KIF13A: variants seen among roughly 807,000 people sequenced by gnomAD.
The protein encoded by KIF13A is kinesin-like protein KIF13A.
Under a neutral mutation model 212.2 loss-of-function variants are expected in KIF13A, and 79 were observed. The observed-to-expected ratio is 0.37, with a 90% confidence interval of 0.31 to 0.45. The LOEUF (loss-of-function observed/expected upper bound fraction) is 0.45, where lower values mean the gene tolerates loss of function less well. Ranked by LOEUF, KIF13A falls within the 20% of genes least tolerant of loss-of-function variation. KIF13A has a pLI of 1.00. For missense variants in KIF13A, 1,901 were observed against 2,209.0 expected (o/e 0.86, Z 2.79); for synonymous variants, 789 against 808.6 (o/e 0.98, Z 0.41).
At chr6:17,955,079 C>T (rs898327657) in intron 2 of KIF13A, among the ~76,000 whole-genome samples, 13 of 152,138 alleles carry the variant, frequency 8.5e-5, no homozygotes, top group African/African-American at 2.9e-4. Context: ...ATCCTCCTGC[C>T]GCCACCTCCC....
intron 2 of KIF13A, among the ~76,000 whole-genome samples, chr6:17,933,364 A>G (rs116380869): frequency 0.045 from 6,732 of 150,836 alleles, 218 homozygotes; most frequent in East Asian, 0.083. Flanking sequence ...CTCCTGCCTC[A>G]GCCTCCCAAG....
chr6:17,798,376 A>G (rs1251244456), intron 22 of KIF13A, among the ~76,000 whole-genome samples: 2 of 152,202 alleles, frequency 1.3e-5, no homozygotes, highest in Non-Finnish European at 2.9e-5. Context: ...AAAGATGGGG[A>G]ATATTTAAAA....
At position 17,775,115 on chromosome 6, in the gene KIF13A, G is replaced by T. The variant is rs566794598; in HGVS notation, c.4171-53C>A. Reference sequence around the variant, plus strand: ...GTGGTTTATATATTTAATATAAGGGGTTTTTTTTATATAAAGAAACAGAAT... The same window carrying T: ...GTGGTTTATATATTTAATATAAGGGTTTTTTTTTATATAAAGAAACAGAAT... On this transcript the variant is annotated intron_variant, in intron 34 of 38. Transcript: ENST00000259711. 1,343 of 1,405,578 alleles carry T rather than the reference G, an allele frequency of 9.6e-4. 2 individuals are homozygous for T. The highest frequency in any genetic ancestry group is 2.5e-3 in the African/African-American group (176 of 69,088). The allele number at this position is 1,405,578 out of a possible 1,614,324, so 87.1% of individuals were successfully genotyped here. A position where few individuals can be genotyped will look rare whatever the true frequency, so the allele number is the denominator to read the frequency against.
Position 17,850,228 on chromosome 6 carries a change from C to G in KIF13A, c.717+95G>C, listed in dbSNP as rs1767506776. 1.6e-6 allele frequency: 2 copies of G among 1,241,874 alleles called. No homozygotes were observed. Among genetic ancestry groups the G allele is most frequent in the Admixed American group, 5.1e-5 (2 of 39,328 alleles). The allele number at this position is 1,241,874 out of a possible 1,614,324, so 76.9% of individuals were successfully genotyped here. On this transcript the variant is annotated intron_variant, in intron 8 of 38. Coordinates refer to ENST00000259711, the MANE Select transcript of KIF13A (RefSeq NM_022113.6). The surrounding 1 kb of genome is among the most constrained non-coding windows in gnomAD (Gnocchi z 6.2). ...TAAGCAGAAGAGCCAACATACAATT[C>G]TCAGCCACTGAACCCAACCATGAAA...
intron 20 of KIF13A, among the ~76,000 whole-genome samples, chr6:17,802,336 G>A (rs1204389466): frequency 6.6e-6 from 1 of 150,580 alleles, no homozygotes; most frequent in Non-Finnish European, 1.5e-5. Context: ...TTGTTGCCCA[G>A]GCTGGAGTGC....
intron 4 of KIF13A, among the ~76,000 whole-genome samples, chr6:17,858,098 T>TGTGTGTGTGTGTGCATGCACGC (rs1371985703): frequency 7.5e-6 from 1 of 133,640 alleles, no homozygotes; most frequent in Non-Finnish European, 1.7e-5. Flanking sequence ...TGTGTGTGTG[T>TGTGTGTGTGTGTGCATGCACGC]GTGTGTGTGT....
At chr6:17,976,675 A>G (rs1581928998) in intron 2 of KIF13A, among the ~76,000 whole-genome samples, 1 of 152,196 alleles carries the variant, frequency 6.6e-6, no homozygotes, top group Admixed American at 6.5e-5. Context: ...AAGTGCCGCC[A>G]AAGTGGGAGC....
chr6:17,862,739 G>A (rs1294233169), intron 4 of KIF13A, among the ~76,000 whole-genome samples: 1 of 152,166 alleles, frequency 6.6e-6, no homozygotes, highest in Admixed American at 6.5e-5. Context: ...ACGAGGTCAG[G>A]AGATTGAGAC....
In KIF13A at chr6:17,843,180, G is replaced by T. The variant is rs1013165650; in HGVS notation, c.831-5597C>A. 2.0e-5 allele frequency among the ~76,000 whole-genome samples: 3 copies of T among 152,176 alleles called. No individual in the cohort carries two copies. Among genetic ancestry groups the T allele is most frequent in the Admixed American group, 2.0e-4 (3 of 15,266 alleles). On this transcript the variant is annotated intron_variant, in intron 9 of 38. Transcript: ENST00000259711. This position sits in a 1 kb window ranked among gnomAD's most constrained non-coding sequence, Gnocchi z 5.3. ...TACTGTGCTTGGTTTATGACTGAAA[G>T]CACTCAGTAAATATCTGCAGCGTTA... is the stretch of plus-strand genomic sequence containing the variant.
rs528372356 is a variant in KIF13A at position 17,967,709 on chromosome 6, C to T, written c.146+19345G>A. On this transcript the variant is annotated intron_variant, in intron 2 of 38. Transcript: ENST00000259711. The surrounding 1 kb of genome is among the most constrained non-coding windows in gnomAD (Gnocchi z 4.1). ...ACCTGCAGTGTTAGGTTTCCTCCTG[C>T]TCCCAACTGCCCAGCCACTGAGCCA... Among the ~76,000 whole-genome samples, 1 of 152,300 alleles carries T rather than the reference C, an allele frequency of 6.6e-6. No homozygotes were observed. Among genetic ancestry groups the T allele is most frequent in the East Asian group, 1.9e-4 (1 of 5,178 alleles).
rs1772180264 is a variant in KIF13A, at chr6:17,892,761, G to A, written c.159+5407C>T. Among the ~76,000 whole-genome samples, 2 of 152,178 alleles carry A rather than the reference G, an allele frequency of 1.3e-5. No homozygotes were observed. Among genetic ancestry groups the A allele is most frequent in the East Asian group, 3.9e-4 (2 of 5,190 alleles). On this transcript the variant is annotated intron_variant, in intron 3 of 38. Coordinates refer to ENST00000259711, the MANE Select transcript of KIF13A (RefSeq NM_022113.6). The surrounding 1 kb of genome is among the most constrained non-coding windows in gnomAD (Gnocchi z 4.7). ...GCATCTGGGTTGCTGAACACAAGAA[G>A]GTACTGGAAGGGCAGTACACACAGA...
chr6:17,817,435 A>G (rs1466799838), intron 16 of KIF13A, among the ~76,000 whole-genome samples: 3 of 152,184 alleles, frequency 2.0e-5, no homozygotes, highest in African/African-American at 7.2e-5. Flanking sequence ...GCCCTTTATA[A>G]GTATACATTC....
chr6:17,763,182 G>A (rs555655494), downstream of KIF13A, among the ~76,000 whole-genome samples: 24 of 152,230 alleles, frequency 1.6e-4, no homozygotes, highest in South Asian at 4.1e-4. Flanking sequence ...TTTTGTTCCC[G>A]TATGAAAATT....
chr6:17,803,928 G>A (rs141186122), intron 20 of KIF13A, among the ~76,000 whole-genome samples: 3,875 of 152,278 alleles, frequency 0.025, 74 homozygotes, highest in Non-Finnish European at 0.04. Flanking sequence ...CGAGGCGGGC[G>A]GATCACAAGG....
chr6:17,887,730 G>C (rs1028612075), intron 3 of KIF13A, among the ~76,000 whole-genome samples: 3 of 152,036 alleles, frequency 2.0e-5, no homozygotes, highest in African/African-American at 7.2e-5. Flanking sequence ...TCTCGCTCTT[G>C]TTGCCCAGGC....
chr6:17,976,839 C>T (rs1372485493), intron 2 of KIF13A, among the ~76,000 whole-genome samples: 1 of 149,370 alleles, frequency 6.7e-6, no homozygotes, highest in Non-Finnish European at 1.5e-5. Flanking sequence ...TGTGGTGGCT[C>T]ACCTGTAATC....
Position 17,811,902 on chromosome 6 carries a change from G to A in KIF13A, c.2001-2972C>T, listed in dbSNP as rs1452983984. The A allele has an allele frequency of 6.6e-6, 1 of 151,320 alleles. No individual in the cohort carries two copies. The highest frequency in any genetic ancestry group is 2.4e-5 in the African/African-American group (1 of 41,050). 9.4% of individuals were successfully genotyped at this position (151,320 alleles called of 1,614,324 possible). ...GTCTCCCTGTGTTGCCCAGGCTGCA[G>A]TGCAGTGGCTATTCAGAGGCATGAT... On this transcript the variant is annotated intron_variant, in intron 17 of 38. Coordinates refer to ENST00000259711, the MANE Select transcript of KIF13A (RefSeq NM_022113.6). The surrounding 1 kb of genome is among the most constrained non-coding windows in gnomAD (Gnocchi z 6.0).
rs1362180764 is a variant in KIF13A at position 17,799,276 on chromosome 6, G to T, written c.2780C>A (p.Ser927Tyr). Reference sequence around the variant, plus strand: ...TAATGGCATTTGTACCTTACAGTGGGAGAAGGTCACTGTGTACTGGGCATC... The same window carrying T: ...TAATGGCATTTGTACCTTACAGTGGTAGAAGGTCACTGTGTACTGGGCATC... ...SKDAQYTVTFSHCKDYVVNVT... is the reference protein window; with the variant it reads ...SKDAQYTVTFYHCKDYVVNVT... Residue 927 changes from serine (S) to tyrosine (Y), a missense_variant, in exon 22 of 39, where the codon TCC (serine) becomes TAC (tyrosine). By Grantham distance (144) the Ser-to-Tyr change is moderately radical. Transcript: ENST00000259711. The surrounding 1 kb of genome is among the most constrained non-coding windows in gnomAD (Gnocchi z 4.4). 21 of 1,597,148 alleles carry T rather than the reference G, an allele frequency of 1.3e-5. No individual in the cohort carries two copies. In the East Asian group the frequency reaches 1.6e-4, roughly 12 times the overall value.
At position 17,897,507 on chromosome 6, in the gene KIF13A, T is replaced by A. The variant is rs1201741268; in HGVS notation, c.159+661A>T. 6.6e-6 allele frequency among the ~76,000 whole-genome samples: 1 copy of A among 152,190 alleles called. No individual in the cohort carries two copies. The highest frequency in any genetic ancestry group is 1.5e-5 in the Non-Finnish European group (1 of 68,026). ...TTCCTTACTTCTCATATTCCCCCAC[T>A]TCCCTCCTCTAACTATTCTCTAACT... is the stretch of plus-strand genomic sequence containing the variant. On this transcript the variant is annotated intron_variant, in intron 3 of 38. Transcript: ENST00000259711. This position sits in a 1 kb window ranked among gnomAD's most constrained non-coding sequence, Gnocchi z 4.8.
Sources: allele counts gnomAD v4.1 joint callset (sites outside exome capture counted in the v4.1 genomes callset), GRCh38; gene constraint gnomAD v4.1.1; non-coding constraint Gnocchi (gnomAD v3.1); transcripts MANE v1.5; gene names NCBI Gene and HGNC (gene_info 2026-07-23, HGNC 2026-07-21).